The following ITIH3 variants were observed in gnomAD, a reference collection of about 807,000 sequenced individuals.
The protein encoded by ITIH3 is inter-alpha-trypsin inhibitor heavy chain 3, also known as inter-alpha-trypsin inhibitor heavy chain H3.
ITIH3 carries 81 observed loss-of-function variants against 96.5 expected under a neutral mutation model. That is an observed-to-expected ratio of 0.84 (90% CI 0.70 to 1.01). The LOEUF (loss-of-function observed/expected upper bound fraction) is 1.01. Ranked by LOEUF, ITIH3 falls within the 50% of genes least tolerant of loss-of-function variation. ITIH3 has a pLI of 0.00. For synonymous variants in ITIH3, 422 were observed against 445.2 expected (o/e 0.95, Z 0.66); for missense variants, 1,057 against 1,139.3 (o/e 0.93, Z 1.04).
At chr3:52,797,987 C>A (rs1442857280) in intron 6 of ITIH3, 57 bp downstream of exon 6, 12 of 1,051,552 alleles carry the variant, frequency 1.1e-5, no homozygotes, top group Non-Finnish European at 5.7e-6. Context: ...CTGACTCCAG[C>A]AGAACAAGCC....
intron 15 of ITIH3, chr3:52,805,326 G>C: frequency 2.0e-6 from 2 of 1,009,640 alleles, no homozygotes; most frequent in African/African-American, 3.5e-5. Flanking sequence ...TTTGGACTGG[G>C]CCATCACATT....
At chr3:52,796,960 C>T in intron 4 of ITIH3, 117 bp downstream of exon 4, 1 of 1,210,560 alleles carries the variant, frequency 8.3e-7, no homozygotes, top group Non-Finnish European at 1.2e-6. Flanking sequence ...ATAATTTTGC[C>T]ATTATCCCAC....
intron 9 of ITIH3, 139 bp downstream of exon 9, chr3:52,800,060 G>A (rs968420716): frequency 4.7e-5 from 35 of 744,580 alleles, no homozygotes; most frequent in Non-Finnish European, 7.1e-5. Context: ...GGGAGTGGAT[G>A]GTCCTCAGGC....
At position 52,797,219 on chromosome 3, in the gene ITIH3, C is replaced by G; in HGVS notation, c.501C>G (p.Tyr167Ter). ...EELLKRHKGK[Y>*]EMYLKVQPKQ... ...TGCTGAAGAGGCACAAGGGCAAGTACGAGATGTACCTCAAGGTCCAGCCTA... is the reference window on the plus strand; with the variant it reads ...TGCTGAAGAGGCACAAGGGCAAGTAGGAGATGTACCTCAAGGTCCAGCCTA... Residue 167 changes from tyrosine to a stop codon, truncating the protein, a stop_gained, in exon 5 of 22, where the codon TAC (tyrosine) becomes TAG (stop). Transcript: ENST00000449956. LOFTEE classifies it high-confidence loss of function. 6.2e-7 allele frequency: 1 copy of G among 1,607,564 alleles called. No individual in the cohort carries two copies. Among genetic ancestry groups the G allele is most frequent in the Non-Finnish European group, 8.5e-7 (1 of 1,177,272 alleles).
rs375268848 is a variant in ITIH3, at chr3:52,808,755, C to T, written c.*74C>T. 44 of 1,552,856 alleles carry T rather than the reference C, an allele frequency of 2.8e-5. 1 individual carries two copies. Among genetic ancestry groups the T allele is most frequent in the East Asian group, 2.1e-4 (9 of 43,854 alleles). ...TCTGGAACATGGGCACAGAGAGGGG[C>T]CTGTGGGAGGGGCTGGGAAAATAAA... On this transcript the variant is annotated 3_prime_UTR_variant, in exon 22 of 22. Transcript: ENST00000449956.
intron 1 of ITIH3, among the ~76,000 whole-genome samples, 174 bp downstream of exon 1, chr3:52,795,070 G>A (rs1410480689): frequency 6.6e-6 from 1 of 152,140 alleles, no homozygotes. Flanking sequence ...ATGCTAACCT[G>A]TTGTCTAACC....
At chr3:52,799,601 G>A in intron 8 of ITIH3, 113 bp downstream of exon 8, 1 of 1,073,510 alleles carries the variant, frequency 9.3e-7, no homozygotes, top group Non-Finnish European at 1.3e-6. Context: ...AAGGGGACAG[G>A]ATAAGAGAAG....
intron 18 of ITIH3, 62 bp downstream of exon 18, chr3:52,806,468 G>A (rs369418996): frequency 1.0e-5 from 13 of 1,286,618 alleles, no homozygotes; most frequent in Non-Finnish European, 1.2e-5. Context: ...TGGGTCCCCC[G>A]AGGTAGGCAC....
intron 21 of ITIH3, 32 bp from the exon 22 acceptor site, chr3:52,808,520 C>T (rs763679319): frequency 4.5e-5 from 73 of 1,606,262 alleles, no homozygotes; most frequent in Admixed American, 1.2e-4. Flanking sequence ...TTACCCACCC[C>T]GTGTATTGCA....
rs747148462 is a variant in ITIH3 at position 52,806,383 on chromosome 3, G to C, written c.2033G>C (p.Arg678Pro). 3.7e-6 allele frequency: 6 copies of C among 1,613,654 alleles called. No homozygotes were observed. Among genetic ancestry groups the C allele is most frequent in the Admixed American group, 1.7e-5 (1 of 59,964 alleles). Residue 678 changes from arginine (R) to proline (P), a missense_variant, in exon 18 of 22, where the codon CGC becomes CCC. Transcript: ENST00000449956. The stretch of plus-strand genomic sequence containing the variant: ...GATGAAGCCCCAGGCACAGTGCTGC[G>C]CCTTATTCAGGATGCAGTCACAGGT... ...NIDEAPGTVLRLIQDAVTGLT... is the reference protein window; with the variant it reads ...NIDEAPGTVLPLIQDAVTGLT...
rs2286797 is a variant in ITIH3, at chr3:52,795,617, G to A, written c.108G>A (p.Pro36=). The change falls in exon 2 of 22, where the codon CCG becomes CCA. Residue 36 remains proline, a synonymous_variant. Transcript: ENST00000449956. ...TGTTTTTTCAGAAACGGAGCCTCCC[G>A]GAAGGGGTAAGAACTTTCACCAGGG... The part of the protein sequence containing the change: ...PFRLLGKRSL[P]EGVANGIEVY... 0.014 allele frequency: 22,635 copies of A among 1,612,108 alleles called. 2,325 individuals are homozygous for A. The Admixed American group carries it at 0.2, about 14-fold the overall frequency.
chr3:52,799,657 C>A, intron 8 of ITIH3, 96 bp from the exon 9 acceptor site: 1 of 1,329,556 alleles, frequency 7.5e-7, no homozygotes, highest in Non-Finnish European at 1.0e-6. Flanking sequence ...AGGCAGGGCT[C>A]GCTGGTGCAG....
Position 52,799,737 on chromosome 3 carries a change from T to C in ITIH3, c.907-16T>C, listed in dbSNP as rs1385893718. On this transcript the variant is annotated splice_polypyrimidine_tract_variant and intron_variant, in intron 8 of 21. Coordinates refer to ENST00000449956, the MANE Select transcript of ITIH3 (RefSeq NM_002217.4). ...TCTCTGCTGCGGCTTCTCCCAGCTC[T>C]TTGTCTCTCCTCCAGACAAAGGAGG... 1.9e-6 allele frequency: 3 copies of C among 1,603,758 alleles called. No homozygotes were observed. Among genetic ancestry groups the C allele is most frequent in the East Asian group, 2.2e-5 (1 of 44,702 alleles).
chr3:52,794,883 T>C lies in ITIH3; in HGVS notation c.80T>C (p.Phe27Ser), dbSNP rs1176970922. ...LAASGFPRSP[F>S]RLLGKRSLPE... ...GCCTCTGGCTTCCCGAGAAGCCCCT[T>C]TCGGCTGCTTGGGGTGAGTCTGCCC... The change falls in exon 1 of 22, where the codon TTT (phenylalanine) becomes TCT (serine). Residue 27 changes from phenylalanine (F) to serine (S), a missense_variant. Transcript: ENST00000449956. 1 of 1,613,578 alleles carries C rather than the reference T, an allele frequency of 6.2e-7. No homozygotes were observed. The highest frequency in any genetic ancestry group is 8.5e-7 in the Non-Finnish European group (1 of 1,179,682).
At chr3:52,798,001 A>G in intron 6 of ITIH3, 71 bp downstream of exon 6, 6 of 918,446 alleles carry the variant, frequency 6.5e-6, no homozygotes, top group Non-Finnish European at 8.6e-6. Context: ...ACAAGCCTGC[A>G]GCCTAGGGCT....
At chr3:52,803,302 A>ATTTAT (rs1353963640) in intron 13 of ITIH3, among the ~76,000 whole-genome samples, 1 of 119,642 alleles carries the variant, frequency 8.4e-6, no homozygotes, top group African/African-American at 3.5e-5. Context: ...TTATTTATTT[A>ATTTAT]TTTATTTTAT....
intron 7 of ITIH3, 124 bp from the exon 8 acceptor site, chr3:52,799,248 C>A: frequency 8.5e-7 from 1 of 1,173,316 alleles, no homozygotes; most frequent in Non-Finnish European, 1.2e-6. Context: ...TGCAGCACCC[C>A]CTAGAGGGTG....
In ITIH3 at chr3:52,796,574, C is replaced by A; in HGVS notation, c.208C>A (p.Arg70Ser). ...HNVVTMRAVN[R>S]ADTAKEVSFD... ...TGTTGTCACCATGAGAGCCGTCAAC[C>A]GTGCAGACACGGCCAAGGAGGTTTC... The change falls in exon 3 of 22, where the codon CGT (arginine) becomes AGT (serine). Residue 70 changes from arginine to serine, a missense_variant. Coordinates refer to ENST00000449956, the MANE Select transcript of ITIH3 (RefSeq NM_002217.4). The A allele has an allele frequency of 6.2e-6, 10 of 1,613,476 alleles. No homozygotes were observed. The highest frequency in any genetic ancestry group is 8.5e-6 in the Non-Finnish European group (10 of 1,179,672).
rs148156289 is a variant in ITIH3 at position 52,807,756 on chromosome 3, G to A, written c.2271G>A (p.Met757Ile). Residue 757 changes from methionine to isoleucine, a missense_variant, in exon 20 of 22, where the codon ATG becomes ATA. Transcript: ENST00000449956. Reference sequence around the variant, plus strand: ...TGGCTTCCTCTCGTAGGCTGTCCATGATGATCAACAGGAAGAACATGGTGG... The same window carrying A: ...TGGCTTCCTCTCGTAGGCTGTCCATAATGATCAACAGGAAGAACATGGTGG... ...TVTVTQDGLS[M>I]MINRKNMVVS... 19,312 of 1,610,524 alleles carry A rather than the reference G, an allele frequency of 0.012. 792 individuals are homozygous for A. The highest frequency in any genetic ancestry group is 0.12 in the South Asian group (10,582 of 90,096).
Sources: allele counts gnomAD v4.1 joint callset (sites outside exome capture counted in the v4.1 genomes callset), GRCh38; gene constraint gnomAD v4.1.1; transcripts MANE v1.5; gene names NCBI Gene and HGNC (gene_info 2026-07-23, HGNC 2026-07-21).